Variants in CD33 observed in about 807,000 individuals in gnomAD.
The protein encoded by CD33 is CD33 molecule.
CD33 carries 25 observed loss-of-function variants against 31.4 expected under a neutral mutation model. That is an observed-to-expected ratio of 0.80 (90% CI 0.58 to 1.11). The LOEUF (loss-of-function observed/expected upper bound fraction) is 1.11. Among genes scored for constraint, CD33 ranks in the 50% most tolerant of loss-of-function variants. The pLI is 0.00. For missense variants in CD33, 407 were observed against 448.1 expected (o/e 0.91, Z 0.83); for synonymous variants, 176 against 180.6 (o/e 0.97, Z 0.20).
chr19:51,219,957 G>A, the CD33 span, among the ~76,000 whole-genome samples: 1 of 152,166 alleles, frequency 6.6e-6, no homozygotes, highest in Non-Finnish European at 1.5e-5. Flanking sequence ...TTGCGTCTAT[G>A]TTCATCAGGG....
At chr19:51,228,298 A>AATT (rs1231888510) in intron 4 of CD33, among the ~76,000 whole-genome samples, 5 of 152,186 alleles carry the variant, frequency 3.3e-5, no homozygotes, top group Admixed American at 6.5e-5. Context: ...TTCTGTGAAG[A>AATT]ATTACATTGA....
At chr19:51,211,885 A>G in the CD33 span, 1 of 1,436,582 alleles carries the variant, frequency 7.0e-7, no homozygotes, top group Non-Finnish European at 9.8e-7. Context: ...GCCTGTGAGC[A>G]GGGGACGCCC....
rs370993998 is a variant in CD33, at chr19:51,230,759, A to G, written c.746-4398A>G. ...AGTCTATGTGTGTCTTCTAGGTGAG[A>G]TAAGTTTCTTGTAAGCAGTATATAG... On this transcript the variant is annotated intron_variant, in intron 4 of 6. Transcript: ENST00000262262. Among the ~76,000 whole-genome samples, 22 of 152,186 alleles carry G rather than the reference A, an allele frequency of 1.4e-4. 1 individual carries two copies. The highest frequency in any genetic ancestry group is 3.9e-4 in the Admixed American group (6 of 15,296).
chr19:51,216,893 A>G, the CD33 span, among the ~76,000 whole-genome samples: 1 of 152,186 alleles, frequency 6.6e-6, no homozygotes, highest in Non-Finnish European at 1.5e-5. Flanking sequence ...TGTGTATATA[A>G]GCAAAAGCAT....
the CD33 span, chr19:51,212,219 A>T: frequency 6.2e-6 from 2 of 320,352 alleles, no homozygotes; most frequent in East Asian, 1.9e-4. Context: ...GTCTCTCTAC[A>T]TTTCTGTGGC....
the CD33 span, chr19:51,212,005 C>T: frequency 1.9e-6 from 2 of 1,065,506 alleles, no homozygotes; most frequent in South Asian, 2.5e-5. Flanking sequence ...ACCAACCTCA[C>T]CTGTCGAGTG....
At chr19:51,231,668 C>T (rs1231104701) in intron 4 of CD33, among the ~76,000 whole-genome samples, 4 of 147,118 alleles carry the variant, frequency 2.7e-5, no homozygotes, top group African/African-American at 1.0e-4. Context: ...TATGGGCTGT[C>T]AGTGAGTTTT....
upstream of CD33, among the ~76,000 whole-genome samples, chr19:51,221,620 C>G (rs1050631427): frequency 6.6e-6 from 1 of 152,138 alleles, no homozygotes; most frequent in East Asian, 1.9e-4. Flanking sequence ...TGAACACTTA[C>G]CATAGGACCA....
Position 51,227,823 on chromosome 19 carries a change from G to A in CD33, c.745+1467G>A, listed in dbSNP as rs575466848. On this transcript the variant is annotated intron_variant, in intron 4 of 6. Coordinates refer to ENST00000262262, the MANE Select transcript of CD33 (RefSeq NM_001772.4). ...CAATGTCCTAAAGCATTTCCCCTAT[G>A]TTTTTTTCTAGTATTTTTTAAATTT... 4.6e-5 allele frequency among the ~76,000 whole-genome samples: 7 copies of A among 151,984 alleles called. No individual in the cohort carries two copies. In the South Asian group the frequency reaches 1.5e-3, roughly 32 times the overall value.
At position 51,225,091 on chromosome 19, in the gene CD33, G is replaced by A. The variant is rs372909786; in HGVS notation, c.-28G>A. The stretch of plus-strand genomic sequence containing the variant: ...TCCCTTCCTCTTTTCTGCTCACACA[G>A]GAAGCCCTGGAAGCTGCTTCCTCAG... On this transcript the variant is annotated 5_prime_UTR_variant, in exon 1 of 7. Transcript: ENST00000262262. 1.9e-6 allele frequency: 3 copies of A among 1,613,086 alleles called. No homozygotes were observed. In the African/African-American group the frequency reaches 4.0e-5, roughly 22 times the overall value.
chr19:51,233,282 C>G (rs2123275309), intron 4 of CD33, among the ~76,000 whole-genome samples: 1 of 152,340 alleles, frequency 6.6e-6, no homozygotes, highest in African/African-American at 2.4e-5. Context: ...TTCAGGTGAG[C>G]ATGCACAGTA....
At chr19:51,222,588 A>G (rs904859193), upstream of CD33, among the ~76,000 whole-genome samples, 1 of 152,228 alleles carries the variant, frequency 6.6e-6, no homozygotes, top group African/African-American at 2.4e-5. Context: ...TTCAAAAAAT[A>G]TTATGCTGGG....
chr19:51,236,147 G>C, intron 6 of CD33: 1 of 382,368 alleles, frequency 2.6e-6, no homozygotes, highest in Non-Finnish European at 4.9e-6. Context: ...GACAGAGAGA[G>C]ACTCTGTCCC....
chr19:51,211,481 G>C, the CD33 span: 1 of 1,563,214 alleles, frequency 6.4e-7, no homozygotes, highest in Non-Finnish European at 8.7e-7. Flanking sequence ...TGCTCCCTGA[G>C]CATCGTAGAC....
At chr19:51,221,277 A>T (rs369336288), upstream of CD33, among the ~76,000 whole-genome samples, 1 of 151,850 alleles carries the variant, frequency 6.6e-6, no homozygotes, top group Admixed American at 6.6e-5. Context: ...GAATGAACTA[A>T]CACAATATTT....
upstream of CD33, chr19:51,224,937 T>C (rs2459141): frequency 0.39 from 288,757 of 739,730 alleles, 60,325 homozygotes; most frequent in African/African-American, 0.49. Flanking sequence ...CTCTGGCCCA[T>C]GAGGGTCAAT....
chr19:51,223,819 T>G (rs893528748), upstream of CD33, among the ~76,000 whole-genome samples: 1 of 152,206 alleles, frequency 6.6e-6, no homozygotes, highest in Non-Finnish European at 1.5e-5. Flanking sequence ...AATTCTATAG[T>G]CATATTTCTT....
rs564569187 is a variant in CD33 at position 51,237,210 on chromosome 19, T to C, written c.924+1534T>C. 3 of 152,122 alleles carry C rather than the reference T, an allele frequency of 2.0e-5. No individual in the cohort carries two copies. The South Asian group carries it at 6.2e-4, about 31-fold the overall frequency. The allele number at this position is 152,122 out of a possible 1,614,324, so 9.4% of individuals were successfully genotyped here. On this transcript the variant is annotated intron_variant, in intron 6 of 6. Coordinates refer to ENST00000262262, the MANE Select transcript of CD33 (RefSeq NM_001772.4). ...GACTAAAGTGAACACCACAGTAAAG[T>C]TTTTGAACACAGGGTCAACCAGCAC...
In CD33 at chr19:51,239,818, T is replaced by G. The variant is rs940931037; in HGVS notation, c.*130T>G. On this transcript the variant is annotated 3_prime_UTR_variant, in exon 7 of 7. Transcript: ENST00000262262. Reference sequence around the variant, plus strand: ...TATAGACATTATGTGAGTTTCCTGCTATATTAACATCATCTTAGACTTTGC... The same window carrying G: ...TATAGACATTATGTGAGTTTCCTGCGATATTAACATCATCTTAGACTTTGC... 1.7e-6 allele frequency: 1 copy of G among 600,720 alleles called. No individual in the cohort carries two copies. The highest frequency in any genetic ancestry group is 1.9e-5 in the African/African-American group (1 of 52,460). 37.2% of individuals were successfully genotyped at this position (600,720 alleles called of 1,614,324 possible). A position where few individuals can be genotyped will look rare whatever the true frequency, so the allele number is the denominator to read the frequency against.
Sources: allele counts gnomAD v4.1 joint callset (sites outside exome capture counted in the v4.1 genomes callset), GRCh38; gene constraint gnomAD v4.1.1; transcripts MANE v1.5; gene names NCBI Gene and HGNC (gene_info 2026-07-23, HGNC 2026-07-21).